The following CCSER1 variants were observed in gnomAD, a reference collection of about 807,000 sequenced individuals.
The protein encoded by CCSER1 is coiled-coil serine rich protein 1, also known as serine-rich coiled-coil domain-containing protein 1.
In CCSER1, 41 loss-of-function variants were observed where a neutral mutation model predicts 82.0. The observed-to-expected ratio is 0.50, with a 90% CI of 0.39 to 0.65. The LOEUF (loss-of-function observed/expected upper bound fraction) is 0.65, where lower values mean the gene tolerates loss of function less well. Among genes scored for constraint, CCSER1 ranks in the 30% least tolerant of loss-of-function variants. The probability of loss-of-function intolerance (pLI) is 0.00; values close to 1 mark genes in which losing one functional copy is unlikely to be tolerated. For synonymous variants in CCSER1, 414 were observed against 383.9 expected, an observed-to-expected ratio of 1.08 and a Z score of -0.92; for missense variants, 1,119 against 1,064.2, an observed-to-expected ratio of 1.05 and a Z score of -0.72.
At chr4:90,391,483 T>TATACAC (rs1238293023) in intron 3 of CCSER1, among the ~76,000 whole-genome samples, 4 of 84,970 alleles carry the variant, frequency 4.7e-5, no homozygotes, top group Non-Finnish European at 8.1e-5. Context: ...TATATATATA[T>TATACAC]ATACACACAC....
rs114473900 is a variant in CCSER1, at chr4:90,741,026, C to T, written c.2010+17035C>T. ...GGATATATACATTTGGATTGCTTTC[C>T]TTAATTGGCCAAAGTGAGGATTCTG... On this transcript the variant is annotated intron_variant, in intron 7 of 10. Transcript: ENST00000509176. Among the ~76,000 whole-genome samples, 867 of 152,164 alleles carry T rather than the reference C, an allele frequency of 5.7e-3. 1 individual carries two copies. Among genetic ancestry groups the T allele is most frequent in the African/African-American group, 0.014 (599 of 41,522 alleles).
chr4:90,499,022 A>C (rs1224132196), intron 5 of CCSER1, among the ~76,000 whole-genome samples: 1 of 152,096 alleles, frequency 6.6e-6, no homozygotes, highest in Non-Finnish European at 1.5e-5. Flanking sequence ...TTGAAGCCCT[A>C]ATTAATTATT....
At chr4:90,538,953 AATT>A (rs1384584909) in intron 5 of CCSER1, among the ~76,000 whole-genome samples, 2 of 152,050 alleles carry the variant, frequency 1.3e-5, no homozygotes, top group African/African-American at 4.8e-5. Context: ...AAAATAAAAA[AATT>A]ATCTTGCATA....
At chr4:90,294,898 T>A (rs1270979710) in intron 1 of CCSER1, among the ~76,000 whole-genome samples, 6 of 151,976 alleles carry the variant, frequency 3.9e-5, no homozygotes, top group Non-Finnish European at 8.8e-5. Context: ...CTGCAGAGTA[T>A]TTAATATTAT....
chr4:90,605,449 C>T (rs7663375), intron 5 of CCSER1, among the ~76,000 whole-genome samples: 42,825 of 152,026 alleles, frequency 0.28, 6,293 homozygotes, highest in East Asian at 0.36. Flanking sequence ...TATATTTTAT[C>T]TCTTCACAAG....
intron 10 of CCSER1, among the ~76,000 whole-genome samples, chr4:91,519,620 C>T (rs925544737): frequency 6.6e-6 from 1 of 152,222 alleles, no homozygotes; most frequent in Non-Finnish European, 1.5e-5. Flanking sequence ...GTGGAGTGGA[C>T]TCACAAGGGG....
At chr4:90,956,423 G>C (rs1049789939) in intron 9 of CCSER1, among the ~76,000 whole-genome samples, 3 of 152,066 alleles carry the variant, frequency 2.0e-5, no homozygotes, top group African/African-American at 7.2e-5. Flanking sequence ...ATACTATGTG[G>C]GTGGCATAGG....
intron 8 of CCSER1, among the ~76,000 whole-genome samples, chr4:90,818,780 C>T (rs953638650): frequency 6.6e-6 from 1 of 152,130 alleles, no homozygotes; most frequent in East Asian, 1.9e-4. Flanking sequence ...AAAATTGCCT[C>T]CAGGTGAGAA....
chr4:90,764,449 T>C (rs1170895451), intron 7 of CCSER1, among the ~76,000 whole-genome samples: 3 of 152,124 alleles, frequency 2.0e-5, no homozygotes, highest in African/African-American at 7.2e-5. Context: ...AATGCACAAA[T>C]AATACTGATT....
chr4:90,736,594 T>C (rs1745682804), intron 7 of CCSER1, among the ~76,000 whole-genome samples: 1 of 151,970 alleles, frequency 6.6e-6, no homozygotes, highest in African/African-American at 2.4e-5. Flanking sequence ...TATTTGTTTT[T>C]ACAGGTGAAA....
chr4:90,896,173 C>A (rs1456881048), intron 8 of CCSER1, among the ~76,000 whole-genome samples: 1 of 151,884 alleles, frequency 6.6e-6, no homozygotes, highest in Admixed American at 6.6e-5. Flanking sequence ...ACGGGAGATT[C>A]TTTGATAGCA....
chr4:90,241,247 G>A (rs967732525), intron 1 of CCSER1, among the ~76,000 whole-genome samples: 9 of 152,156 alleles, frequency 5.9e-5, no homozygotes, highest in African/African-American at 2.2e-4. Flanking sequence ...GCTTTCTGGT[G>A]CTTTATAGGT....
At chr4:90,433,041 A>T (rs28662343) in intron 4 of CCSER1, among the ~76,000 whole-genome samples, 2,686 of 152,176 alleles carry the variant, frequency 0.018, 33 homozygotes, top group African/African-American at 0.038. Context: ...AAGTGGTGGT[A>T]AATCACAAAG....
intron 10 of CCSER1, among the ~76,000 whole-genome samples, chr4:91,364,731 GATTA>G (rs1749488895): frequency 1.3e-5 from 2 of 152,012 alleles, no homozygotes; most frequent in African/African-American, 4.8e-5. Context: ...TTTGTGGAAA[GATTA>G]ATTATTTTCT....
At chr4:90,805,393 C>A (rs1021049080) in intron 7 of CCSER1, among the ~76,000 whole-genome samples, 4 of 152,154 alleles carry the variant, frequency 2.6e-5, no homozygotes. Flanking sequence ...AGTGGAAGCG[C>A]CATGTGGTTT....
chr4:90,232,199 A>G (rs1241494784), intron 1 of CCSER1, among the ~76,000 whole-genome samples: 2 of 152,120 alleles, frequency 1.3e-5, no homozygotes, highest in South Asian at 2.1e-4. Flanking sequence ...AGCTGGAGGC[A>G]TCACACTACC....
At chr4:90,849,104 A>C (rs898818266) in intron 8 of CCSER1, among the ~76,000 whole-genome samples, 5 of 152,230 alleles carry the variant, frequency 3.3e-5, no homozygotes, top group African/African-American at 1.2e-4. Flanking sequence ...AAGATACCTG[A>C]AAATGTGGAA....
intron 10 of CCSER1, among the ~76,000 whole-genome samples, chr4:91,405,330 ATG>A (rs1433597507): frequency 1.4e-4 from 21 of 152,258 alleles, no homozygotes; most frequent in African/African-American, 4.8e-4. Context: ...AAAGACTTAA[ATG>A]TTAGACCTAA....
At chr4:91,325,982 CTTTG>C (rs1007012085) in intron 10 of CCSER1, among the ~76,000 whole-genome samples, 40 of 64,266 alleles carry the variant, frequency 6.2e-4, no homozygotes, top group African/African-American at 3.6e-3. Context: ...GAAAGAGTAG[CTTTG>C]TTTTTTTTTT....
Sources: allele counts gnomAD v4.1 joint callset (sites outside exome capture counted in the v4.1 genomes callset), GRCh38; gene constraint gnomAD v4.1.1; transcripts MANE v1.5; gene names NCBI Gene and HGNC (gene_info 2026-07-23, HGNC 2026-07-21).